Variants in TTC3 observed in about 807,000 individuals in gnomAD.
TTC3 encodes E3 ubiquitin-protein ligase TTC3.
A neutral mutation model predicts 249.6 loss-of-function variants in TTC3; 180 were observed. That is an observed-to-expected ratio of 0.72 (90% CI 0.64 to 0.82). The LOEUF (loss-of-function observed/expected upper bound fraction) is 0.82. TTC3 is among the 40% of genes least tolerant of loss of function. TTC3 has a pLI of 0.00. For missense variants in TTC3, 2,061 were observed against 2,398.4 expected (o/e 0.86, Z 2.94); for synonymous variants, 717 against 805.0 (o/e 0.89, Z 1.85).
intron 10 of TTC3, among the ~76,000 whole-genome samples, chr21:37,104,889 C>T (rs1346591454): frequency 6.6e-6 from 1 of 152,188 alleles, no homozygotes; most frequent in Non-Finnish European, 1.5e-5. Flanking sequence ...AGGAACTCCC[C>T]AGATGGTACT....
At chr21:37,170,654 A>G (rs8128968) in intron 34 of TTC3, among the ~76,000 whole-genome samples, 3,167 of 152,318 alleles carry the variant, frequency 0.021, 101 homozygotes, top group African/African-American at 0.073. Flanking sequence ...ATAGTTAGAT[A>G]TGGAATGTTT....
chr21:37,132,277 TTCTA>T (rs2077529482), intron 16 of TTC3, among the ~76,000 whole-genome samples: 1 of 152,144 alleles, frequency 6.6e-6, no homozygotes, highest in Non-Finnish European at 1.5e-5. Flanking sequence ...TATTTTTTTC[TTCTA>T]TCTGTCACAT....
At chr21:37,117,232 C>T (rs538572892) in intron 11 of TTC3, among the ~76,000 whole-genome samples, 2 of 152,218 alleles carry the variant, frequency 1.3e-5, no homozygotes, top group South Asian at 4.2e-4. Flanking sequence ...TAAAATTCCC[C>T]AGGTGGACTT....
intron 38 of TTC3, 87 bp downstream of exon 38, chr21:37,187,232 A>G (rs1289303276): frequency 1.0e-6 from 1 of 980,706 alleles, no homozygotes; most frequent in Non-Finnish European, 1.5e-6. Context: ...AACAGACATT[A>G]CTGAAAAGTG....
chr21:37,156,901 T>C, exon 28 of TTC3: 2 of 1,613,400 alleles, frequency 1.2e-6, no homozygotes, highest in Non-Finnish European at 8.5e-7. Context: ...TTCTTTGATA[T>C]AATGGGTATG....
intron 34 of TTC3, among the ~76,000 whole-genome samples, chr21:37,169,741 G>C (rs368860662): frequency 1.4e-3 from 211 of 151,816 alleles, no homozygotes; most frequent in South Asian, 0.01. Context: ...CCAGCTACTT[G>C]GGAGGCTGAG....
At chr21:37,169,342 T>C (rs767394701) in intron 34 of TTC3, among the ~76,000 whole-genome samples, 2 of 152,182 alleles carry the variant, frequency 1.3e-5, no homozygotes, top group Non-Finnish European at 2.9e-5. Flanking sequence ...AGACCATTAA[T>C]ATGAGAGTGC....
rs779945037 is a variant in TTC3, at chr21:37,165,741, C to T, written c.3527C>T (p.Ser1176Leu). ...TGTATTGCACTGAAGAAGGTTGCATCACGGCTCAAGAAAAAAAGGAAGAAG... is the reference window on the plus strand; with the variant it reads ...TGTATTGCACTGAAGAAGGTTGCATTACGGCTCAAGAAAAAAAGGAAGAAG... Residue 1176 changes from serine (S) to leucine (L), a missense_variant, in exon 33 of 46, where the codon TCA becomes TTA. Physicochemically the swap from Ser to Leu is moderately radical, Grantham distance 145. This residue lies in a region of TTC3 where 1,040 missense variants were observed against 1,186.1 expected (regional missense o/e 0.88). Transcript: ENST00000355666. 7.4e-6 allele frequency: 12 copies of T among 1,613,304 alleles called. No individual in the cohort carries two copies. Among genetic ancestry groups the T allele is most frequent in the Non-Finnish European group, 9.3e-6 (11 of 1,179,960 alleles).
intron 26 of TTC3, 132 bp downstream of exon 26, chr21:37,152,161 C>A: frequency 9.3e-7 from 1 of 1,079,976 alleles, no homozygotes; most frequent in Non-Finnish European, 1.3e-6. Flanking sequence ...TTAATACTAT[C>A]ACTGTCTTCT....
chr21:37,177,555 G>C (rs138617740), intron 35 of TTC3, among the ~76,000 whole-genome samples: 5 of 152,278 alleles, frequency 3.3e-5, no homozygotes, highest in African/African-American at 9.6e-5. Flanking sequence ...TCCCTTGCCA[G>C]TTCTCTACAT....
At chr21:37,093,876 A>G in intron 7 of TTC3, 129 bp from the exon 8 acceptor site, 1 of 548,024 alleles carries the variant, frequency 1.8e-6, no homozygotes, top group African/African-American at 2.0e-5. Flanking sequence ...AACATGTGCT[A>G]TTTAGAAAGA....
chr21:37,130,072 C>G (rs2077349747), intron 16 of TTC3, among the ~76,000 whole-genome samples: 1 of 152,162 alleles, frequency 6.6e-6, no homozygotes, highest in African/African-American at 2.4e-5. Flanking sequence ...AAAGCCATGT[C>G]TGCCACAATA....
At chr21:37,106,703 A>G (rs2075111820) in intron 10 of TTC3, among the ~76,000 whole-genome samples, 1 of 152,148 alleles carries the variant, frequency 6.6e-6, no homozygotes, top group African/African-American at 2.4e-5. Flanking sequence ...TGGGCAACAT[A>G]GTGGGACCGT....
rs533217205 is a variant in TTC3, at chr21:37,184,010, T to C, written c.4757+1097T>C. Among the ~76,000 whole-genome samples, 221 of 152,298 alleles carry C rather than the reference T, an allele frequency of 1.5e-3. 2 individuals are homozygous for C. Among genetic ancestry groups the C allele is most frequent in the African/African-American group, 4.9e-3 (202 of 41,560 alleles). On this transcript the variant is annotated intron_variant, in intron 36 of 45. Coordinates refer to ENST00000355666, the Ensembl canonical transcript of TTC3. ...TGCCATATGATCAGATGACTTTCAT[T>C]ATGAGTCTTGCTAGCATTACATTTA...
chr21:37,177,534 C>A (rs925862110), intron 35 of TTC3, among the ~76,000 whole-genome samples: 25 of 152,200 alleles, frequency 1.6e-4, no homozygotes, highest in Non-Finnish European at 2.9e-4. Flanking sequence ...CCTGCTTCAT[C>A]TTCCGCCTTC....
intron 28 of TTC3, among the ~76,000 whole-genome samples, chr21:37,158,566 G>A (rs1377108084): frequency 6.6e-6 from 1 of 152,136 alleles, no homozygotes; most frequent in Admixed American, 6.5e-5. Context: ...AATGTCATGA[G>A]TGCTTTGATA....
At chr21:37,195,816 C>G in exon 42 of TTC3, 1 of 1,614,214 alleles carries the variant, frequency 6.2e-7, no homozygotes, top group Non-Finnish European at 8.5e-7. Flanking sequence ...AGGGGAGGCT[C>G]CTTCTGCGCT....
chr21:37,076,507 A>G (rs944565943), intron 1 of TTC3, among the ~76,000 whole-genome samples: 4 of 152,270 alleles, frequency 2.6e-5, no homozygotes, highest in African/African-American at 9.6e-5. Flanking sequence ...ATCAGTTTCT[A>G]GATCATTACA....
chr21:37,164,012 C>A, intron 31 of TTC3, 39 bp from the exon 32 acceptor site: 1 of 1,581,348 alleles, frequency 6.3e-7, no homozygotes, highest in South Asian at 1.2e-5. Context: ...AAAGGTCTAT[C>A]ATCCACAAAA....
Sources: allele counts gnomAD v4.1 joint callset (sites outside exome capture counted in the v4.1 genomes callset), GRCh38; gene constraint gnomAD v4.1.1; regional missense constraint gnomAD v4.1.1; transcripts MANE v1.5; gene names NCBI Gene and HGNC (gene_info 2026-07-23, HGNC 2026-07-21).